PRKCH: variants seen among roughly 807,000 people sequenced by gnomAD.
The protein encoded by PRKCH is protein kinase C eta.
PRKCH carries 28 observed loss-of-function variants against 82.5 expected under a neutral mutation model. The observed-to-expected ratio is 0.34, with a 90% CI of 0.25 to 0.47. PRKCH has a LOEUF of 0.47. Ranked by LOEUF, PRKCH falls within the 20% of genes least tolerant of loss-of-function variation. The probability of loss-of-function intolerance (pLI) is 1.00; values close to 1 mark genes in which losing one functional copy is unlikely to be tolerated. For missense variants in PRKCH, 705 were observed against 881.8 expected (o/e 0.80, Z 2.54); for synonymous variants, 322 against 327.4 (o/e 0.98, Z 0.18).
At chr14:61,503,641 G>C (rs553728779) in intron 10 of PRKCH, among the ~76,000 whole-genome samples, 1 of 152,234 alleles carries the variant, frequency 6.6e-6, no homozygotes, top group East Asian at 1.9e-4. Context: ...AGGAGGAATG[G>C]GAAAAACTGA....
At chr14:61,335,617 G>A (rs1047800803) in intron 1 of PRKCH, among the ~76,000 whole-genome samples, 1 of 152,044 alleles carries the variant, frequency 6.6e-6, no homozygotes, top group Non-Finnish European at 1.5e-5. Flanking sequence ...AGATATAATT[G>A]ATTCTTGCTT....
chr14:61,464,491 T>A (rs1426053491), intron 9 of PRKCH, among the ~76,000 whole-genome samples: 1 of 152,048 alleles, frequency 6.6e-6, no homozygotes, highest in Non-Finnish European at 1.5e-5. Context: ...ACCTATCAAC[T>A]GGTCATCCAG....
At chr14:61,281,976 T>C (rs1201417746) in intron 1 of PRKCH, 1 of 137,282 alleles carries the variant, frequency 7.3e-6, no homozygotes, top group African/African-American at 2.9e-5. Flanking sequence ...TCTCTAAAAA[T>C]AAAATCATCC....
intron 12 of PRKCH, among the ~76,000 whole-genome samples, chr14:61,533,872 T>C (rs1461199470): frequency 1.3e-5 from 2 of 152,212 alleles, no homozygotes; most frequent in Admixed American, 6.5e-5. Flanking sequence ...ATTTGTCATA[T>C]TAGGAGGAGG....
chr14:61,536,507 G>A (rs1464814918), intron 12 of PRKCH, among the ~76,000 whole-genome samples: 11 of 152,116 alleles, frequency 7.2e-5, no homozygotes, highest in Non-Finnish European at 1.5e-4. Context: ...GTCTTAGTGT[G>A]GGAGGGGCAT....
chr14:61,270,046 T>C (rs2140085371), intron 1 of PRKCH, among the ~76,000 whole-genome samples: 1 of 152,368 alleles, frequency 6.6e-6, no homozygotes, highest in Non-Finnish European at 1.5e-5. Context: ...ACTGCTTGGC[T>C]GCTGAGTTTA....
chr14:61,227,580 G>A (rs2044707065), intron 1 of PRKCH, among the ~76,000 whole-genome samples: 1 of 151,674 alleles, frequency 6.6e-6, no homozygotes, highest in African/African-American at 2.4e-5. Flanking sequence ...GCAAAAGAGC[G>A]AGACTCTGTC....
chr14:61,549,794 GA>G lies in PRKCH; in HGVS notation c.2018del (p.Asn673ThrfsTer27). On this transcript the variant is annotated frameshift_variant, in exon 14 of 14. Transcript: ENST00000332981. LOFTEE classifies it high-confidence loss of function. The part of the protein sequence containing the change: ...HLPMINQDEF[R>X]NFSYVSPELQ... ...CCAATGATTAACCAGGATGAGTTTA[GA>G]AACTTTTCCTATGTGTCTCCAGAAT... is the stretch of plus-strand genomic sequence containing the variant. 1 of 1,614,036 alleles carries G rather than the reference GA, an allele frequency of 6.2e-7. No individual in the cohort carries two copies. The highest frequency in any genetic ancestry group is 8.5e-7 in the Non-Finnish European group (1 of 1,180,008).
chr14:61,389,698 C>CAA (rs112924735), intron 1 of PRKCH, among the ~76,000 whole-genome samples: 2,332 of 104,756 alleles, frequency 0.022, 57 homozygotes, highest in African/African-American at 0.075. Flanking sequence ...GACCCTGTCT[C>CAA]AAAAAAAAAA....
chr14:61,440,837 G>A (rs1405157366), intron 2 of PRKCH, among the ~76,000 whole-genome samples: 1 of 151,910 alleles, frequency 6.6e-6, no homozygotes, highest in African/African-American at 2.4e-5. Context: ...ACACGCCACT[G>A]CACTCCAGCC....
At chr14:61,420,734 T>G (rs895440515) in intron 2 of PRKCH, among the ~76,000 whole-genome samples, 4 of 152,226 alleles carry the variant, frequency 2.6e-5, no homozygotes, top group African/African-American at 9.6e-5. Context: ...TTGATCTATC[T>G]GCAGATCTCC....
At chr14:61,303,660 T>C (rs1321669281) in intron 1 of PRKCH, 1 of 152,050 alleles carries the variant, frequency 6.6e-6, no homozygotes, top group Non-Finnish European at 1.5e-5. Context: ...TTGGACTGTT[T>C]AGTTCATTTA....
At chr14:61,541,465 A>C (rs1177986169) in intron 12 of PRKCH, among the ~76,000 whole-genome samples, 3 of 152,218 alleles carry the variant, frequency 2.0e-5, no homozygotes, top group Non-Finnish European at 4.4e-5. Context: ...ATCGCTCTGG[A>C]ATATTGGCAG....
intron 10 of PRKCH, among the ~76,000 whole-genome samples, chr14:61,502,116 G>A (rs1274806967): frequency 3.0e-5 from 4 of 134,036 alleles, no homozygotes; most frequent in Non-Finnish European, 4.6e-5. Flanking sequence ...TCAGGCAGGA[G>A]TGCAATGGCA....
At chr14:61,491,877 A>G (rs750134718) in intron 10 of PRKCH, among the ~76,000 whole-genome samples, 2 of 152,228 alleles carry the variant, frequency 1.3e-5, no homozygotes, top group Non-Finnish European at 2.9e-5. Flanking sequence ...ATGTCAATCA[A>G]ATGATTATAC....
intron 1 of PRKCH, among the ~76,000 whole-genome samples, chr14:61,234,327 A>G (rs888241089): frequency 7.2e-5 from 11 of 152,172 alleles, no homozygotes; most frequent in Non-Finnish European, 4.4e-5. Context: ...AAGGGGGGGA[A>G]ATTGAGCTGA....
At chr14:61,396,639 T>C (rs944413765) in intron 2 of PRKCH, among the ~76,000 whole-genome samples, 1 of 152,196 alleles carries the variant, frequency 6.6e-6, no homozygotes, top group Non-Finnish European at 1.5e-5. Flanking sequence ...AAAGCTTTTC[T>C]GGGGAGGTGA....
intron 2 of PRKCH, among the ~76,000 whole-genome samples, chr14:61,438,658 G>A (rs1647973828): frequency 6.6e-6 from 1 of 152,244 alleles, no homozygotes; most frequent in African/African-American, 2.4e-5. Flanking sequence ...GGAGTTCTCA[G>A]AGACATACTC....
intron 1 of PRKCH, among the ~76,000 whole-genome samples, chr14:61,370,822 C>T (rs938683164): frequency 2.0e-5 from 3 of 152,050 alleles, no homozygotes; most frequent in African/African-American, 7.3e-5. Context: ...TCATAGAAAA[C>T]TCTTGGGGTT....
Sources: allele counts gnomAD v4.1 joint callset (sites outside exome capture counted in the v4.1 genomes callset), GRCh38; gene constraint gnomAD v4.1.1; transcripts MANE v1.5; gene names NCBI Gene and HGNC (gene_info 2026-07-23, HGNC 2026-07-21).